The following NOL11 variants were observed in gnomAD, a reference collection of about 807,000 sequenced individuals.
The protein encoded by NOL11 is nucleolar protein 11.
Under a neutral mutation model 93.0 loss-of-function variants are expected in NOL11, and 42 were observed. The observed-to-expected ratio is 0.45, with a 90% CI of 0.35 to 0.58. The LOEUF is 0.58. Among genes scored for constraint, NOL11 ranks in the 20% least tolerant of loss-of-function variants. NOL11 has a pLI of 0.00. For synonymous variants in NOL11, 296 were observed against 293.7 expected (o/e 1.01, Z -0.08); for missense variants, 775 against 841.8 (o/e 0.92, Z 0.98).
chr17:67,737,361 T>C (rs989936452), intron 11 of NOL11, 147 bp from the exon 12 acceptor site: 5 of 739,266 alleles, frequency 6.8e-6, no homozygotes, highest in Non-Finnish European at 1.1e-5. Flanking sequence ...TATCTCTTTC[T>C]CATTTAACTT....
At chr17:67,731,533 A>G (rs1245186223) in intron 7 of NOL11, among the ~76,000 whole-genome samples, 4 of 151,744 alleles carry the variant, frequency 2.6e-5, no homozygotes, top group African/African-American at 7.3e-5. Flanking sequence ...AAAAGTTTTA[A>G]TTTTCATGAA....
chr17:67,733,589 G>C (rs1007503051), intron 7 of NOL11, among the ~76,000 whole-genome samples: 2 of 152,142 alleles, frequency 1.3e-5, no homozygotes, highest in Non-Finnish European at 2.9e-5. Context: ...AAAGCTTTTA[G>C]TCTTTCACTG....
intron 7 of NOL11, among the ~76,000 whole-genome samples, chr17:67,728,181 G>A (rs2055117159): frequency 6.6e-6 from 1 of 152,032 alleles, no homozygotes; most frequent in South Asian, 2.1e-4. Flanking sequence ...AATGGCGTGA[G>A]CCTGGGAGGC....
chr17:67,720,033 G>C (rs941078619), intron 3 of NOL11, 71 bp downstream of exon 3: 1 of 1,376,288 alleles, frequency 7.3e-7, no homozygotes, highest in East Asian at 2.4e-5. Flanking sequence ...AATAAAGTAT[G>C]TGTTATTTAT....
At chr17:67,743,314 G>T in intron 16 of NOL11, 165 bp from the exon 17 acceptor site, 2 of 442,070 alleles carry the variant, frequency 4.5e-6, no homozygotes, top group Non-Finnish European at 8.0e-6. Context: ...CCAGAAATGA[G>T]CCTTTTTATA....
chr17:67,725,655 TG>T (rs2055084670), intron 6 of NOL11, among the ~76,000 whole-genome samples: 1 of 152,214 alleles, frequency 6.6e-6, no homozygotes, highest in African/African-American at 2.4e-5. Flanking sequence ...AACTTTGAAG[TG>T]AGGAAGTGTG....
chr17:67,734,616 G>A (rs1211055381), intron 8 of NOL11, among the ~76,000 whole-genome samples, 177 bp downstream of exon 8: 1 of 152,196 alleles, frequency 6.6e-6, no homozygotes, highest in Non-Finnish European at 1.5e-5. Flanking sequence ...TATGCTGTAA[G>A]GGAAGAGATC....
chr17:67,737,080 C>G lies in NOL11; in HGVS notation c.1153C>G (p.Arg385Gly). ...ATTTACTTAATTCCAGTTAAGGAGA[C>G]GAAAAATTGAAGTGAGTTTACAGCC... ...SEQSRRILRR[R>G]KIEVSLQPEV... The change falls in exon 11 of 18, where the codon CGA (arginine) becomes GGA (glycine). Residue 385 changes from arginine (R) to glycine (G), a missense_variant. Coordinates refer to ENST00000253247, the MANE Select transcript of NOL11 (RefSeq NM_015462.5). 1 of 1,606,864 alleles carries G rather than the reference C, an allele frequency of 6.2e-7. No homozygotes were observed. The highest frequency in any genetic ancestry group is 8.5e-7 in the Non-Finnish European group (1 of 1,173,836).
Position 67,719,752 on chromosome 17 carries a change from C to G in NOL11, c.220C>G (p.Gln74Glu). ...AACATGTCCAGCTGTGTGCAACTTT[C>G]AAACTGGAGAGTATGTTGTTGTACA... ...IITCPAVCNFQTGEYVVVHDN... is the reference protein window; with the variant it reads ...IITCPAVCNFETGEYVVVHDN... Residue 74 changes from glutamine to glutamate, a missense_variant, in exon 2 of 18, where the codon CAA becomes GAA. By Grantham distance (29) the Gln-to-Glu change is conservative (BLOSUM62 2). This residue lies in a region of NOL11 where 359 missense variants were observed against 316.5 expected (regional missense o/e 1.13). Transcript: ENST00000253247. 1 of 1,609,510 alleles carries G rather than the reference C, an allele frequency of 6.2e-7. No homozygotes were observed.
intron 16 of NOL11, among the ~76,000 whole-genome samples, chr17:67,743,093 G>A (rs1341277838): frequency 3.3e-5 from 5 of 152,236 alleles, no homozygotes; most frequent in African/African-American, 9.6e-5. Flanking sequence ...TTGCTAAAAA[G>A]TAGCTGGGTA....
At chr17:67,727,701 C>T (rs902265285) in intron 7 of NOL11, among the ~76,000 whole-genome samples, 3 of 151,500 alleles carry the variant, frequency 2.0e-5, no homozygotes, top group Admixed American at 1.3e-4. Flanking sequence ...CAGTGGCTCA[C>T]GCCTGTAATC....
At position 67,731,415 on chromosome 17, in the gene NOL11, C is replaced by T. The variant is rs1365122438; in HGVS notation, c.854-2948C>T. 5.9e-4 allele frequency among the ~76,000 whole-genome samples: 7 copies of T among 11,944 alleles called. 3 individuals carry two copies. The highest frequency in any genetic ancestry group is 1.5e-3 in the African/African-American group (7 of 4,566). 7.8% of individuals were successfully genotyped at this position (11,944 alleles called of 152,430 possible). On this transcript the variant is annotated intron_variant, in intron 7 of 17. Coordinates refer to ENST00000253247, the MANE Select transcript of NOL11 (RefSeq NM_015462.5). Reference sequence around the variant, plus strand: ...AGTAGCTGGGACTACAGGCGCCCGCCGCTGCGCCCGGCTAATTTTTTGTAT... The same window carrying T: ...AGTAGCTGGGACTACAGGCGCCCGCTGCTGCGCCCGGCTAATTTTTTGTAT...
At position 67,738,158 on chromosome 17, in the gene NOL11, T is replaced by C; in HGVS notation, c.1566T>C (p.Asn522=). 1.2e-6 allele frequency: 2 copies of C among 1,612,498 alleles called. No individual in the cohort carries two copies. Among genetic ancestry groups the C allele is most frequent in the Non-Finnish European group, 1.7e-6 (2 of 1,179,026 alleles). ...GDDSLQETDV[N]MESVFDYSIN... ...ACAGTCTTCAAGAAACAGATGTTAA[T>C]ATGGAGTCAGTTTTTGACTATAGTA... Residue 522 remains asparagine, a synonymous_variant, in exon 14 of 18, where the codon AAT becomes AAC. Coordinates refer to ENST00000253247, the MANE Select transcript of NOL11 (RefSeq NM_015462.5).
intron 7 of NOL11, among the ~76,000 whole-genome samples, 200 bp from the exon 8 acceptor site, chr17:67,734,163 C>T (rs1599044197): frequency 6.6e-6 from 1 of 152,122 alleles, no homozygotes; most frequent in African/African-American, 2.4e-5. Context: ...ATAAAGCCCT[C>T]CCTTCCTCAG....
chr17:67,725,076 CA>C (rs1425894004), intron 6 of NOL11, among the ~76,000 whole-genome samples: 1 of 151,952 alleles, frequency 6.6e-6, no homozygotes, highest in Non-Finnish European at 1.5e-5. Context: ...CAAAACAAAA[CA>C]AAAAAATTTA....
rs567377583 is a variant in NOL11, at chr17:67,728,655, C to T, written c.853+2007C>T. On this transcript the variant is annotated intron_variant, in intron 7 of 17. Coordinates refer to ENST00000253247, the MANE Select transcript of NOL11 (RefSeq NM_015462.5). ...TTTTTGGTCCATATACAAGCAAATA[C>T]TACTACTTAAGGGGTTTTTTCCCCT... is the stretch of plus-strand genomic sequence containing the variant. 1.3e-4 allele frequency among the ~76,000 whole-genome samples: 20 copies of T among 152,258 alleles called. No individual in the cohort carries two copies. The South Asian group carries it at 4.1e-3, about 32-fold the overall frequency.
rs1399343267 is a variant in NOL11 at position 67,736,714 on chromosome 17, G to A, written c.1103G>A (p.Cys368Tyr). Residue 368 changes from cysteine (C) to tyrosine (Y), a missense_variant, in exon 10 of 18, where the codon TGT (cysteine) becomes TAT (tyrosine). Around this residue, in one of 2 missense-constraint regions of NOL11, gnomAD observed 416 missense variants for 525.2 expected, o/e 0.79. Transcript: ENST00000253247. ...HFVNWETPQG[C>Y]GLGFQNSEQS... ...GTAAACTGGGAGACACCTCAAGGAT[G>A]TGGACTTGGGTTCCAGAACTCAGAG... 10 of 1,613,408 alleles carry A rather than the reference G, an allele frequency of 6.2e-6. No individual in the cohort carries two copies. Among genetic ancestry groups the A allele is most frequent in the African/African-American group, 2.7e-5 (2 of 74,908 alleles).
intron 6 of NOL11, among the ~76,000 whole-genome samples, chr17:67,724,483 A>C (rs1480746522): frequency 2.0e-5 from 3 of 151,180 alleles, no homozygotes; most frequent in East Asian, 3.9e-4. Flanking sequence ...ACAGGCGCCC[A>C]CCCCCACATC....
intron 7 of NOL11, among the ~76,000 whole-genome samples, chr17:67,732,800 C>T (rs2055166463): frequency 6.6e-6 from 1 of 151,464 alleles, no homozygotes; most frequent in African/African-American, 2.4e-5. Flanking sequence ...TCTCCAACTC[C>T]TGAGCTCAGG....
Sources: allele counts gnomAD v4.1 joint callset (sites outside exome capture counted in the v4.1 genomes callset), GRCh38; gene constraint gnomAD v4.1.1; regional missense constraint gnomAD v4.1.1; transcripts MANE v1.5; gene names NCBI Gene and HGNC (gene_info 2026-07-23, HGNC 2026-07-21).